The following TRDN variants were observed in gnomAD, a reference collection of about 807,000 sequenced individuals.
TRDN encodes the protein triadin.
In TRDN, 161 loss-of-function variants were observed where a neutral mutation model predicts 149.7. That is an observed-to-expected ratio of 1.08 (90% CI 0.95 to 1.23). The LOEUF is 1.23. TRDN is among the 50% of genes most tolerant of loss of function. TRDN has a pLI of 0.00. For missense variants in TRDN, 896 were observed against 823.5 expected, an observed-to-expected ratio of 1.09 and a Z score of -1.08; for synonymous variants, 294 against 250.5, an observed-to-expected ratio of 1.17 and a Z score of -1.64.
intron 12 of TRDN, among the ~76,000 whole-genome samples, chr6:123,427,344 A>AT (rs1774165699): frequency 6.6e-6 from 1 of 151,872 alleles, no homozygotes. Context: ...TAATACAATG[A>AT]TAACAATAAT....
At chr6:123,613,738 G>A (rs1784925900) in intron 1 of TRDN, among the ~76,000 whole-genome samples, 1 of 152,076 alleles carries the variant, frequency 6.6e-6, no homozygotes, top group Non-Finnish European at 1.5e-5. Context: ...CATCATAAAA[G>A]TATCATTGAA....
chr6:123,280,828 G>A (rs1323657993), intron 24 of TRDN, among the ~76,000 whole-genome samples: 2 of 151,778 alleles, frequency 1.3e-5, no homozygotes, highest in Non-Finnish European at 2.9e-5. Flanking sequence ...TTAAGTGAAT[G>A]CCTTCTTTTC....
chr6:123,402,510 C>A (rs1161086665), intron 12 of TRDN, among the ~76,000 whole-genome samples: 2 of 152,036 alleles, frequency 1.3e-5, no homozygotes, highest in African/African-American at 2.4e-5. Flanking sequence ...TTTAATAAAC[C>A]AAATGTTAAA....
At chr6:123,229,254 T>C (rs1354407095) in intron 38 of TRDN, among the ~76,000 whole-genome samples, 2 of 151,932 alleles carry the variant, frequency 1.3e-5, no homozygotes, top group Non-Finnish European at 2.9e-5. Flanking sequence ...TGTATAACTC[T>C]TCAATACTTA....
intron 38 of TRDN, among the ~76,000 whole-genome samples, chr6:123,245,996 A>G (rs905885166): frequency 1.3e-5 from 2 of 152,216 alleles, no homozygotes; most frequent in African/African-American, 4.8e-5. Flanking sequence ...TACTGGGTAC[A>G]TAAAGAAATG....
chr6:123,425,982 T>C (rs1774104765), intron 12 of TRDN, among the ~76,000 whole-genome samples: 1 of 152,154 alleles, frequency 6.6e-6, no homozygotes, highest in Non-Finnish European at 1.5e-5. Context: ...AGAATGACCT[T>C]AGAAATCAAA....
chr6:123,528,577 A>G, intron 5 of TRDN: 1 of 937,248 alleles, frequency 1.1e-6, no homozygotes, highest in Non-Finnish European at 1.3e-6. Context: ...AGGGTTCAAA[A>G]TGCTTTGATA....
At chr6:123,442,420 C>T (rs572868285) in intron 10 of TRDN, 6 of 140,224 alleles carry the variant, frequency 4.3e-5, no homozygotes, top group Non-Finnish European at 7.5e-5. Flanking sequence ...ATGGTGGGCG[C>T]CTGTAGTCCC....
intron 24 of TRDN, among the ~76,000 whole-genome samples, chr6:123,304,954 G>A (rs1239561522): frequency 6.6e-6 from 1 of 152,042 alleles, no homozygotes; most frequent in African/African-American, 2.4e-5. Flanking sequence ...TGTAAACAAA[G>A]ATAAAAACAT....
At chr6:123,505,149 C>T (rs1778862225) in intron 7 of TRDN, among the ~76,000 whole-genome samples, 1 of 142,336 alleles carries the variant, frequency 7.0e-6, no homozygotes, top group Non-Finnish European at 1.5e-5. Context: ...GAGGCTGAGG[C>T]AGGAGAATCA....
At chr6:123,607,882 G>A (rs930238774) in intron 1 of TRDN, among the ~76,000 whole-genome samples, 5 of 148,756 alleles carry the variant, frequency 3.4e-5, no homozygotes, top group African/African-American at 1.2e-4. Context: ...TAGAGATGGG[G>A]CCTTTTATGT....
At chr6:123,224,733 T>C (rs1177499105) in intron 38 of TRDN, among the ~76,000 whole-genome samples, 1 of 151,752 alleles carries the variant, frequency 6.6e-6, no homozygotes, top group Admixed American at 6.6e-5. Context: ...TGGACCTTTA[T>C]CTTCCACCAC....
chr6:123,502,550 C>T, intron 8 of TRDN: 1 of 982,436 alleles, frequency 1.0e-6, no homozygotes, highest in Non-Finnish European at 1.2e-6. Flanking sequence ...ACAAATACTA[C>T]ATGTGAATCA....
At chr6:123,438,721 C>T (rs1357597034) in intron 11 of TRDN, among the ~76,000 whole-genome samples, 1 of 152,032 alleles carries the variant, frequency 6.6e-6, no homozygotes, top group Non-Finnish European at 1.5e-5. Flanking sequence ...AAAAAATAAT[C>T]ACAGTAGTAA....
chr6:123,565,399 T>G (rs1253435240), intron 2 of TRDN, among the ~76,000 whole-genome samples: 1 of 152,130 alleles, frequency 6.6e-6, no homozygotes, highest in African/African-American at 2.4e-5. Context: ...ATCATACACC[T>G]TGGTTTGTGT....
intron 1 of TRDN, among the ~76,000 whole-genome samples, chr6:123,596,044 C>T (rs901476349): frequency 2.0e-5 from 3 of 152,008 alleles, no homozygotes; most frequent in African/African-American, 7.2e-5. Flanking sequence ...CTGAGCTAGG[C>T]CAAAAGCTAG....
chr6:123,574,583 C>T (rs1782737080), intron 1 of TRDN, among the ~76,000 whole-genome samples: 1 of 151,768 alleles, frequency 6.6e-6, no homozygotes. Context: ...GACTGGCCCA[C>T]CTGAAAGTTG....
At chr6:123,513,708 CT>C (rs202093230) in intron 6 of TRDN, among the ~76,000 whole-genome samples, 1 of 151,576 alleles carries the variant, frequency 6.6e-6, no homozygotes, top group Admixed American at 6.6e-5. Context: ...CTGAAATTTT[CT>C]TTTTTTTCTG....
chr6:123,467,641 A>G (rs1776910052), intron 9 of TRDN, among the ~76,000 whole-genome samples: 2 of 152,280 alleles, frequency 1.3e-5, no homozygotes, highest in East Asian at 3.9e-4. Flanking sequence ...TTGTTGTGAT[A>G]GGGTGCACCA....
Sources: allele counts gnomAD v4.1 joint callset (sites outside exome capture counted in the v4.1 genomes callset), GRCh38; gene constraint gnomAD v4.1.1; transcripts MANE v1.5; gene names NCBI Gene and HGNC (gene_info 2026-07-23, HGNC 2026-07-21).